Variants in ACVR2A observed in about 807,000 individuals in gnomAD.
ACVR2A encodes activin A receptor type 2A, also known as activin receptor type-2A.
ACVR2A carries 7 observed loss-of-function variants against 61.4 expected under a neutral mutation model. That is an observed-to-expected ratio of 0.11 (90% CI 0.06 to 0.21). ACVR2A has a LOEUF of 0.21. Ranked by LOEUF, ACVR2A falls within the 10% of genes least tolerant of loss-of-function variation. ACVR2A has a pLI of 1.00. For synonymous variants in ACVR2A, 193 were observed against 208.3 expected (o/e 0.93, Z 0.63); for missense variants, 322 against 621.7 (o/e 0.52, Z 5.13).
At chr2:147,884,430 G>T (rs1686381681) in intron 1 of ACVR2A, among the ~76,000 whole-genome samples, 1 of 152,090 alleles carries the variant, frequency 6.6e-6, no homozygotes, top group South Asian at 2.1e-4. Flanking sequence ...TAGGCAAAAA[G>T]AATTTTCTGT....
chr2:147,880,476 TA>T (rs1686273736), intron 1 of ACVR2A, among the ~76,000 whole-genome samples: 1 of 152,198 alleles, frequency 6.6e-6, no homozygotes, highest in Non-Finnish European at 1.5e-5. Context: ...TTAAAAATAA[TA>T]AAGTACCTTG....
chr2:147,867,539 A>G (rs929501526), intron 1 of ACVR2A, among the ~76,000 whole-genome samples: 3 of 151,562 alleles, frequency 2.0e-5, no homozygotes, highest in Non-Finnish European at 2.9e-5. Flanking sequence ...CATCCTTACC[A>G]TCTCGTATCT....
intron 4 of ACVR2A, chr2:147,900,378 T>G (rs1686841542): frequency 6.6e-6 from 1 of 152,636 alleles, no homozygotes; most frequent in Admixed American, 6.5e-5. Flanking sequence ...GGAAGATACC[T>G]CCATAAAGAT....
intron 1 of ACVR2A, among the ~76,000 whole-genome samples, chr2:147,857,116 C>T (rs1685598517): frequency 6.6e-6 from 1 of 152,130 alleles, no homozygotes; most frequent in African/African-American, 2.4e-5. Flanking sequence ...CTGATCCTCA[C>T]TTCTGAAGGA....
intron 1 of ACVR2A, among the ~76,000 whole-genome samples, chr2:147,882,040 G>A (rs191990890): frequency 6.6e-6 from 1 of 152,200 alleles, no homozygotes. Context: ...TTACAAATTT[G>A]CCACTCTCTT....
At chr2:147,911,952 A>G (rs1400508203) in intron 4 of ACVR2A, among the ~76,000 whole-genome samples, 2 of 152,028 alleles carry the variant, frequency 1.3e-5, no homozygotes. Flanking sequence ...AATCCAGCCC[A>G]TTGTATTTAA....
Position 147,845,197 on chromosome 2 carries a change from C to G in ACVR2A, c.45C>G (p.Ser15=). 6.2e-7 allele frequency: 1 copy of G among 1,612,910 alleles called. No homozygotes were observed. Among genetic ancestry groups the G allele is most frequent in the South Asian group, 1.1e-5 (1 of 91,032 alleles). Residue 15 remains serine, a synonymous_variant, in exon 1 of 11, where the codon TCC becomes TCG. Coordinates refer to ENST00000241416, the MANE Select transcript of ACVR2A (RefSeq NM_001616.5). ...AKLAFAVFLI[S]CSSGAILGRS... The stretch of plus-strand genomic sequence containing the variant: ...TGGCGTTTGCCGTCTTTCTTATCTC[C>G]TGTTCTTCAGGTAGGTGCAGGGAGC...
At chr2:147,914,600 A>T (rs1304377082) in intron 4 of ACVR2A, among the ~76,000 whole-genome samples, 1 of 151,924 alleles carries the variant, frequency 6.6e-6, no homozygotes, top group Non-Finnish European at 1.5e-5. Flanking sequence ...ATATGTTTAA[A>T]ATTAGAATGA....
At chr2:147,899,612 G>T in intron 3 of ACVR2A, 45 bp downstream of exon 3, 1 of 1,587,992 alleles carries the variant, frequency 6.3e-7, no homozygotes, top group South Asian at 1.1e-5. Context: ...ACTGTAGATT[G>T]GAAACAAAAT....
At chr2:147,896,219 A>G (rs1433686928) in intron 1 of ACVR2A, 82 bp from the exon 2 acceptor site, 1 of 1,260,914 alleles carries the variant, frequency 7.9e-7, no homozygotes, top group African/African-American at 1.5e-5. Flanking sequence ...CACTTTAGGA[A>G]TACCTAAAGT....
chr2:147,870,590 C>T (rs2105157096), intron 1 of ACVR2A, among the ~76,000 whole-genome samples: 1 of 152,212 alleles, frequency 6.6e-6, no homozygotes, highest in South Asian at 2.1e-4. Flanking sequence ...GGCTTGGTAA[C>T]CTGTAAAGTC....
At chr2:147,918,994 C>G (rs941103807) in intron 7 of ACVR2A, among the ~76,000 whole-genome samples, 1 of 151,926 alleles carries the variant, frequency 6.6e-6, no homozygotes, top group Non-Finnish European at 1.5e-5. Flanking sequence ...GTACCCTGAG[C>G]CAAGTCTTAA....
intron 1 of ACVR2A, among the ~76,000 whole-genome samples, chr2:147,890,783 A>T (rs1686563284): frequency 6.6e-6 from 1 of 152,156 alleles, no homozygotes; most frequent in African/African-American, 2.4e-5. Flanking sequence ...GCTTAAGAAT[A>T]TAAAAATACA....
At chr2:147,922,188 T>G (rs1687396749) in intron 8 of ACVR2A, among the ~76,000 whole-genome samples, 1 of 152,074 alleles carries the variant, frequency 6.6e-6, no homozygotes, top group Admixed American at 6.6e-5. Context: ...TGAACTTTAG[T>G]CTTAGTGATC....
At chr2:147,856,813 T>A (rs142358956) in intron 1 of ACVR2A, among the ~76,000 whole-genome samples, 89 of 152,354 alleles carry the variant, frequency 5.8e-4, no homozygotes, top group African/African-American at 2.1e-3. Flanking sequence ...ACCATCTTTT[T>A]AATTCTATAT....
intron 4 of ACVR2A, among the ~76,000 whole-genome samples, chr2:147,906,841 A>G (rs1037519400): frequency 8.3e-6 from 1 of 119,968 alleles, no homozygotes; most frequent in African/African-American, 3.1e-5. Context: ...TTTTTTTTTA[A>G]CTTTAAATTC....
At position 147,923,055 on chromosome 2, in the gene ACVR2A, T is replaced by C. The variant is rs919129287; in HGVS notation, c.1160T>C (p.Met387Thr). The C allele has an allele frequency of 6.8e-6, 11 of 1,613,502 alleles. No homozygotes were observed. The highest frequency in any genetic ancestry group is 9.3e-6 in the Non-Finnish European group (11 of 1,179,578). ...AGGGATGCATTTTTGAGGATAGATA[T>C]GTATGCCATGGGATTAGTCCTATGG... ...FQRDAFLRID[M>T]YAMGLVLWEL... is the part of the protein sequence containing the mutation. Residue 387 changes from methionine (M) to threonine (T), a missense_variant, in exon 9 of 11, where the codon ATG becomes ACG. Around this residue, in one of 3 missense-constraint regions of ACVR2A, gnomAD observed 146 missense variants for 383.8 expected, o/e 0.38. Transcript: ENST00000241416.
chr2:147,926,190 A>C, intron 10 of ACVR2A, 29 bp downstream of exon 10: 1 of 1,591,248 alleles, frequency 6.3e-7, no homozygotes, highest in Non-Finnish European at 8.5e-7. Flanking sequence ...TTTTCATTTG[A>C]AATTCCAATA....
chr2:147,868,005 C>T (rs1430290543), intron 1 of ACVR2A, among the ~76,000 whole-genome samples: 2 of 152,180 alleles, frequency 1.3e-5, no homozygotes, highest in Non-Finnish European at 2.9e-5. Context: ...CCCATAGCAC[C>T]TTACTTATTT....
Sources: gnomAD v4.1 joint callset for allele counts (sites outside exome capture counted in the v4.1 genomes callset) on GRCh38, gnomAD v4.1.1 for gene constraint, gnomAD v4.1.1 regional missense constraint, MANE v1.5 for transcripts, NCBI Gene and HGNC (gene_info 2026-07-23, HGNC 2026-07-21) for gene names.